The following CFAP44 variants were observed in gnomAD, a reference collection of about 807,000 sequenced individuals.
CFAP44 encodes cilia and flagella associated protein 44.
Under a neutral mutation model 216.2 loss-of-function variants are expected in CFAP44, and 134 were observed. That is an observed-to-expected ratio of 0.62 (90% CI 0.54 to 0.72). CFAP44 has a LOEUF of 0.72. CFAP44 is among the 30% of genes least tolerant of loss of function. The pLI is 0.00. For missense variants in CFAP44, 2,035 were observed against 2,182.1 expected (o/e 0.93, Z 1.34); for synonymous variants, 700 against 727.6 (o/e 0.96, Z 0.61).
chr3:113,343,831 A>G (rs958811384), intron 23 of CFAP44, among the ~76,000 whole-genome samples: 1 of 152,216 alleles, frequency 6.6e-6, no homozygotes, highest in Non-Finnish European at 1.5e-5. Flanking sequence ...AGAGTTCCCA[A>G]TGAAGAAGAT....
intron 24 of CFAP44, among the ~76,000 whole-genome samples, chr3:113,337,637 T>C (rs947328728): frequency 6.6e-6 from 1 of 151,968 alleles, no homozygotes. Context: ...AACCCAGAAA[T>C]AGACCCACAC....
At chr3:113,370,196 T>C (rs1007562602) in intron 18 of CFAP44, among the ~76,000 whole-genome samples, 9 of 151,954 alleles carry the variant, frequency 5.9e-5, no homozygotes, top group Admixed American at 2.0e-4. Context: ...TTCCAATCAA[T>C]AGAAAAAGAG....
Position 113,289,440 on chromosome 3 carries a change from G to A in CFAP44, c.*2117C>T, listed in dbSNP as rs1486972938. 1 of 152,152 alleles carries A rather than the reference G, an allele frequency of 6.6e-6. No individual in the cohort carries two copies. Among genetic ancestry groups the A allele is most frequent in the Non-Finnish European group, 1.5e-5 (1 of 68,022 alleles). The allele number at this position is 152,152 out of a possible 1,614,324, so 9.4% of individuals were successfully genotyped here. On this transcript the variant is annotated 3_prime_UTR_variant, in exon 35 of 35. Coordinates refer to ENST00000393845, the MANE Select transcript of CFAP44 (RefSeq NM_001164496.2). ...GCAATCAGAATCAGAATCTCAGAAT[G>A]GGAAGGAACCCATTCTACCAATCCT...
In CFAP44 at chr3:113,343,114, T is replaced by C. The variant is rs375749962; in HGVS notation, c.3263-1196A>G. Among the ~76,000 whole-genome samples the C allele has an allele frequency of 8.5e-5, 12 of 141,692 alleles. No individual in the cohort carries two copies. The East Asian group carries it at 1.3e-3, about 15-fold the overall frequency. 93.0% of individuals were successfully genotyped at this position (141,692 alleles called of 152,430 possible). On this transcript the variant is annotated intron_variant, in intron 23 of 34. Coordinates refer to ENST00000393845, the MANE Select transcript of CFAP44 (RefSeq NM_001164496.2). ...TCTCACTTTGTCACCTAGGCTAGAGTGCAATGATGCAATGTTGGCTCACTG... is the reference window on the plus strand; with the variant it reads ...TCTCACTTTGTCACCTAGGCTAGAGCGCAATGATGCAATGTTGGCTCACTG...
chr3:113,344,956 G>C (rs1436102212), intron 22 of CFAP44, among the ~76,000 whole-genome samples: 5 of 151,310 alleles, frequency 3.3e-5, no homozygotes, highest in Non-Finnish European at 7.4e-5. Context: ...TATAATACCA[G>C]TGTTTTCATA....
chr3:113,324,670 A>G lies in CFAP44; in HGVS notation c.4516+1775T>C, dbSNP rs191600324. ...ATATTATACTTAATATTGAAAATAA[A>G]GCAAGAATGTCAGCTTTCAGCACTC... On this transcript the variant is annotated intron_variant, in intron 28 of 34. Transcript: ENST00000393845. Among the ~76,000 whole-genome samples, 290 of 152,354 alleles carry G rather than the reference A, an allele frequency of 1.9e-3. 2 individuals are homozygous for G. The highest frequency in any genetic ancestry group is 5.7e-3 in the African/African-American group (237 of 41,592).
rs201353779 is a variant in CFAP44, at chr3:113,401,348, GTTCT to G, written c.1327-65_1327-62del. 2,306 of 1,450,858 alleles carry G rather than the reference GTTCT, an allele frequency of 1.6e-3. 39 individuals are homozygous for G. The African/African-American group carries it at 0.028, about 18-fold the overall frequency. 89.9% of individuals were successfully genotyped at this position (1,450,858 alleles called of 1,614,324 possible). A position where few individuals can be genotyped will look rare whatever the true frequency, so the allele number is the denominator to read the frequency against. On this transcript the variant is annotated intron_variant, in intron 10 of 34. Coordinates refer to ENST00000393845, the MANE Select transcript of CFAP44 (RefSeq NM_001164496.2). ...TAAACTTTCATCAGATTTTTTAAAT[GTTCT>G]TTCTATGTTTTATTAAAGTAAGGAC... is the stretch of plus-strand genomic sequence containing the variant.
At chr3:113,357,055 A>T (rs555539820) in intron 22 of CFAP44, among the ~76,000 whole-genome samples, 10 of 152,332 alleles carry the variant, frequency 6.6e-5, no homozygotes, top group South Asian at 6.2e-4. Context: ...TTAAAAATGG[A>T]CAAAAGACTG....
intron 28 of CFAP44, among the ~76,000 whole-genome samples, chr3:113,311,972 A>C (rs7644337): frequency 0.091 from 13,900 of 152,088 alleles, 862 homozygotes; most frequent in African/African-American, 0.16. Context: ...GAGATGATTT[A>C]AGGTGTCTGG....
intron 18 of CFAP44, among the ~76,000 whole-genome samples, chr3:113,371,393 T>C (rs1239981275): frequency 8.5e-5 from 13 of 152,124 alleles, no homozygotes; most frequent in African/African-American, 3.1e-4. Flanking sequence ...TACAGACCAA[T>C]GGAACAGAAC....
intron 17 of CFAP44, among the ~76,000 whole-genome samples, chr3:113,378,739 C>G (rs1057152196): frequency 2.6e-5 from 4 of 152,092 alleles, no homozygotes; most frequent in African/African-American, 9.7e-5. Flanking sequence ...GGCCCTGGTA[C>G]TTTCTTCCTA....
At chr3:113,408,966 A>G (rs1576595247) in intron 7 of CFAP44, 140 bp downstream of exon 7, 1 of 573,584 alleles carries the variant, frequency 1.7e-6, no homozygotes, top group Non-Finnish European at 2.8e-6. Flanking sequence ...AGCTTTTAAA[A>G]TAACATATTT....
chr3:113,325,483 C>T (rs1161063383), intron 28 of CFAP44, among the ~76,000 whole-genome samples: 6 of 151,506 alleles, frequency 4.0e-5, no homozygotes, highest in South Asian at 4.2e-4. Context: ...CTTGCTCTGT[C>T]GCCCAGACTG....
Position 113,426,263 on chromosome 3 carries a change from G to A in CFAP44, c.268C>T (p.Pro90Ser). 1 of 1,613,740 alleles carries A rather than the reference G, an allele frequency of 6.2e-7. No homozygotes were observed. Among genetic ancestry groups the A allele is most frequent in the Non-Finnish European group, 8.5e-7 (1 of 1,179,894 alleles). ...TCTGCTTCTTCCACAGCTGGAGCAGGGGTTTGCTGAGGTACTAAAAAAATA... is the reference window on the plus strand; with the variant it reads ...TCTGCTTCTTCCACAGCTGGAGCAGAGGTTTGCTGAGGTACTAAAAAAATA... The part of the protein sequence containing the change: ...LQSTTVPQQT[P>S]APAVEEAEEE... The change falls in exon 4 of 35, where the codon CCT becomes TCT. Residue 90 changes from proline to serine, a missense_variant. Pro to Ser is a moderately conservative substitution (Grantham distance 74). Coordinates refer to ENST00000393845, the MANE Select transcript of CFAP44 (RefSeq NM_001164496.2).
chr3:113,294,859 T>C (rs1485133342), intron 33 of CFAP44, 38 bp from the exon 34 acceptor site: 3 of 1,488,236 alleles, frequency 2.0e-6, no homozygotes, highest in Non-Finnish European at 2.7e-6. Context: ...ATGTAGTGAA[T>C]ACGAGAAGAA....
chr3:113,332,830 A>G (rs1376885780), intron 25 of CFAP44, among the ~76,000 whole-genome samples: 1 of 152,212 alleles, frequency 6.6e-6, no homozygotes, highest in Non-Finnish European at 1.5e-5. Flanking sequence ...GGCCTTTTAA[A>G]TCTAAGTCTT....
intron 1 of CFAP44, among the ~76,000 whole-genome samples, chr3:113,438,955 T>C (rs1449698756): frequency 1.3e-5 from 2 of 152,194 alleles, no homozygotes; most frequent in Admixed American, 6.5e-5. Context: ...CCTAATTTTA[T>C]ATGTTCTTCG....
intron 24 of CFAP44, among the ~76,000 whole-genome samples, chr3:113,337,212 T>C (rs866340440): frequency 2.6e-5 from 4 of 151,494 alleles, no homozygotes; most frequent in South Asian, 2.1e-4. Flanking sequence ...CCATTTAAAA[T>C]TGCTCAAAAA....
intron 27 of CFAP44, among the ~76,000 whole-genome samples, chr3:113,327,196 T>C (rs983975994): frequency 6.6e-6 from 1 of 152,188 alleles, no homozygotes; most frequent in Admixed American, 6.5e-5. Flanking sequence ...CAATCATATA[T>C]TACACTGAAG....
Sources: gnomAD v4.1 joint callset for allele counts (sites outside exome capture counted in the v4.1 genomes callset) on GRCh38, gnomAD v4.1.1 for gene constraint, MANE v1.5 for transcripts, NCBI Gene and HGNC (gene_info 2026-07-23, HGNC 2026-07-21) for gene names.